MLLT3: variants seen among roughly 807,000 people sequenced by gnomAD.
MLLT3 encodes MLLT3 super elongation complex subunit.
A neutral mutation model predicts 53.2 loss-of-function variants in MLLT3; 4 were observed. The ratio of observed to expected loss-of-function variants is 0.08; its 90% CI spans 0.04 to 0.17. MLLT3 has a LOEUF of 0.17. MLLT3 is among the 10% of genes least tolerant of loss of function. The probability of loss-of-function intolerance (pLI) is 1.00; values close to 1 mark genes in which losing one functional copy is unlikely to be tolerated. For synonymous variants in MLLT3, 283 were observed against 230.6 expected (o/e 1.23, Z -2.06); for missense variants, 569 against 684.0 (o/e 0.83, Z 1.87).
intron 2 of MLLT3, among the ~76,000 whole-genome samples, chr9:20,458,668 G>A (rs189896485): frequency 6.6e-6 from 1 of 152,186 alleles, no homozygotes; most frequent in African/African-American, 2.4e-5. Flanking sequence ...CTCTGAGGAG[G>A]GCCCCCACCA....
At chr9:20,521,854 T>C (rs1326829202) in intron 2 of MLLT3, among the ~76,000 whole-genome samples, 1 of 152,206 alleles carries the variant, frequency 6.6e-6, no homozygotes, top group Admixed American at 6.5e-5. Flanking sequence ...ATATTCTCAT[T>C]CTATTTATCC....
chr9:20,605,236 G>A (rs146612233), intron 2 of MLLT3, among the ~76,000 whole-genome samples: 10 of 152,058 alleles, frequency 6.6e-5, no homozygotes, highest in African/African-American at 2.2e-4. Context: ...TACTTACACT[G>A]TTCAAAATAA....
At chr9:20,412,698 G>C (rs1193196997) in intron 5 of MLLT3, among the ~76,000 whole-genome samples, 10 of 152,104 alleles carry the variant, frequency 6.6e-5, no homozygotes, top group Non-Finnish European at 1.5e-5. Context: ...CCATTGCCTA[G>C]AAATACGGTC....
At chr9:20,392,869 C>T (rs1319791157) in intron 5 of MLLT3, among the ~76,000 whole-genome samples, 2 of 152,140 alleles carry the variant, frequency 1.3e-5, no homozygotes, top group African/African-American at 4.8e-5. Flanking sequence ...CTACCTTATC[C>T]TAAGGTATCA....
chr9:20,559,130 G>A (rs1479380332), intron 2 of MLLT3, among the ~76,000 whole-genome samples: 1 of 152,146 alleles, frequency 6.6e-6, no homozygotes, highest in African/African-American at 2.4e-5. Flanking sequence ...TCACTGAGCA[G>A]TTTTGCTAAT....
At chr9:20,469,228 A>G (rs1200171706) in intron 2 of MLLT3, among the ~76,000 whole-genome samples, 1 of 152,174 alleles carries the variant, frequency 6.6e-6, no homozygotes, top group Non-Finnish European at 1.5e-5. Context: ...TTAGAGTGGC[A>G]TATGAACTCC....
At chr9:20,562,978 T>C (rs748076316) in intron 2 of MLLT3, among the ~76,000 whole-genome samples, 2 of 152,134 alleles carry the variant, frequency 1.3e-5, no homozygotes, top group African/African-American at 2.4e-5. Context: ...TAGGAACACC[T>C]ACCGTCCCCC....
intron 2 of MLLT3, among the ~76,000 whole-genome samples, chr9:20,542,116 C>A (rs1416082406): frequency 6.6e-6 from 1 of 152,146 alleles, no homozygotes; most frequent in Non-Finnish European, 1.5e-5. Context: ...TCAAAAATTA[C>A]TCCTTGACCC....
chr9:20,552,408 T>G (rs543399040), intron 2 of MLLT3, among the ~76,000 whole-genome samples: 1 of 152,202 alleles, frequency 6.6e-6, no homozygotes. Context: ...AGTTTTTGTT[T>G]TTTAATTAAG....
chr9:20,503,523 T>C (rs1459037716), intron 2 of MLLT3, among the ~76,000 whole-genome samples: 2 of 152,108 alleles, frequency 1.3e-5, no homozygotes, highest in African/African-American at 2.4e-5. Flanking sequence ...CCTTACTTCA[T>C]ACTAAATATA....
rs566836326 is a variant in MLLT3 at position 20,370,603 on chromosome 9, C to T, written c.1126-4859G>A. On this transcript the variant is annotated intron_variant, in intron 5 of 10. Coordinates refer to ENST00000380338, the MANE Select transcript of MLLT3 (RefSeq NM_004529.4). Reference sequence around the variant, plus strand: ...TCAGCTCACTGCAACCTCTGCCTTCCGGGTTCAAGCCATTCTCCTGCCTCA... The same window carrying T: ...TCAGCTCACTGCAACCTCTGCCTTCTGGGTTCAAGCCATTCTCCTGCCTCA... 7.9e-5 allele frequency among the ~76,000 whole-genome samples: 12 copies of T among 152,096 alleles called. No homozygotes were observed. The South Asian group carries it at 1.2e-3, about 16-fold the overall frequency.
At chr9:20,545,492 C>T (rs962504662) in intron 2 of MLLT3, among the ~76,000 whole-genome samples, 1 of 152,048 alleles carries the variant, frequency 6.6e-6, no homozygotes, top group Admixed American at 6.6e-5. Context: ...TGTTTCATAG[C>T]AACATGCATG....
intron 2 of MLLT3, among the ~76,000 whole-genome samples, chr9:20,588,189 C>T (rs1251060016): frequency 2.0e-5 from 3 of 151,628 alleles, no homozygotes; most frequent in Admixed American, 1.3e-4. Flanking sequence ...CTGTTCTGTT[C>T]CATTGATCTA....
At chr9:20,394,542 T>A (rs902786090) in intron 5 of MLLT3, among the ~76,000 whole-genome samples, 1 of 152,028 alleles carries the variant, frequency 6.6e-6, no homozygotes, top group African/African-American at 2.4e-5. Flanking sequence ...ACTAGGTAAA[T>A]TTGGGGTCCA....
rs1554634356 is a variant in MLLT3, at chr9:20,521,456, A to ATG, written c.194-64671_194-64670insCA. On this transcript the variant is annotated intron_variant, in intron 2 of 10. Coordinates refer to ENST00000380338, the MANE Select transcript of MLLT3 (RefSeq NM_004529.4). Reference sequence around the variant, plus strand: ...GCTCACTCTCTCTCGCTGTGTGTGTATATGTGTGTGTGTGTGTGTGTGTGT... The same window carrying ATG: ...GCTCACTCTCTCTCGCTGTGTGTGTATGTATGTGTGTGTGTGTGTGTGTGTGT... Among the ~76,000 whole-genome samples, 246 of 114,118 alleles carry ATG rather than the reference A, an allele frequency of 2.2e-3. 1 individual carries two copies. The highest frequency in any genetic ancestry group is 8.4e-3 in the African/African-American group (240 of 28,732). The allele number at this position is 114,118 out of a possible 152,430, so 74.9% of individuals were successfully genotyped here.
intron 2 of MLLT3, among the ~76,000 whole-genome samples, chr9:20,564,168 T>C (rs1216051093): frequency 6.6e-6 from 1 of 152,158 alleles, no homozygotes; most frequent in Admixed American, 6.5e-5. Flanking sequence ...CTTCCCTGGA[T>C]GCTCTATAAA....
At chr9:20,347,117 A>G (rs985289406) in intron 10 of MLLT3, among the ~76,000 whole-genome samples, 5 of 150,242 alleles carry the variant, frequency 3.3e-5, no homozygotes, top group Admixed American at 6.6e-5. Context: ...GAAACTGTCT[A>G]CAATCCCACC....
intron 5 of MLLT3, among the ~76,000 whole-genome samples, chr9:20,394,234 G>A (rs1822263419): frequency 6.6e-6 from 1 of 152,090 alleles, no homozygotes; most frequent in Non-Finnish European, 1.5e-5. Context: ...TGAGGGACAG[G>A]TACCTCCTCC....
intron 2 of MLLT3, among the ~76,000 whole-genome samples, chr9:20,525,604 C>A (rs1818180882): frequency 6.6e-6 from 1 of 152,140 alleles, no homozygotes; most frequent in South Asian, 2.1e-4. Context: ...AACAGTATCC[C>A]CACTACACAT....
Sources: gnomAD v4.1 joint callset for allele counts (sites outside exome capture counted in the v4.1 genomes callset) on GRCh38, gnomAD v4.1.1 for gene constraint, MANE v1.5 for transcripts, NCBI Gene and HGNC (gene_info 2026-07-23, HGNC 2026-07-21) for gene names.